Variants in CTNNA2 observed in about 807,000 individuals in gnomAD.
CTNNA2 encodes catenin alpha 2.
A neutral mutation model predicts 101.0 loss-of-function variants in CTNNA2; 42 were observed. The observed-to-expected ratio is 0.42, with a 90% CI of 0.32 to 0.54. The LOEUF (loss-of-function observed/expected upper bound fraction) is 0.54. Ranked by LOEUF, CTNNA2 falls within the 20% of genes least tolerant of loss-of-function variation. The pLI, the probability that CTNNA2 is intolerant of heterozygous loss-of-function variation, is 0.14. For missense variants in CTNNA2, 871 were observed against 1,223.1 expected (o/e 0.71, Z 4.29); for synonymous variants, 450 against 456.4 (o/e 0.99, Z 0.18).
intron 17 of CTNNA2, among the ~76,000 whole-genome samples, chr2:80,614,263 AC>A (rs1426841122): frequency 6.6e-6 from 1 of 151,400 alleles, no homozygotes; most frequent in African/African-American, 2.4e-5. Context: ...AATGCAACCA[AC>A]CTGGGATTGA....
chr2:80,076,175 G>T (rs914923047), intron 7 of CTNNA2, among the ~76,000 whole-genome samples: 1 of 152,102 alleles, frequency 6.6e-6, no homozygotes, highest in Non-Finnish European at 1.5e-5. Context: ...GGCCTCTTCG[G>T]TGTTTAGCCT....
intron 3 of CTNNA2, among the ~76,000 whole-genome samples, chr2:79,807,613 A>G (rs1360898069): frequency 6.6e-6 from 1 of 152,148 alleles, no homozygotes; most frequent in African/African-American, 2.4e-5. Flanking sequence ...TAGCTCTTTG[A>G]AAGTTATTAA....
intron 7 of CTNNA2, among the ~76,000 whole-genome samples, chr2:79,943,166 G>A (rs116174675): frequency 1.3e-5 from 2 of 151,982 alleles, no homozygotes; most frequent in Non-Finnish European, 2.9e-5. Flanking sequence ...GCAGTGAGCC[G>A]AAATCACGCA....
chr2:80,019,670 C>T (rs1445537733), intron 7 of CTNNA2, among the ~76,000 whole-genome samples: 2 of 152,208 alleles, frequency 1.3e-5, no homozygotes, highest in Non-Finnish European at 2.9e-5. Flanking sequence ...TGTCAACCAT[C>T]ACCCTGATGA....
intron 7 of CTNNA2, among the ~76,000 whole-genome samples, chr2:80,224,709 G>A (rs1321470894): frequency 6.6e-6 from 1 of 152,082 alleles, no homozygotes; most frequent in Non-Finnish European, 1.5e-5. Context: ...CTCCCAAAGT[G>A]CTGGGATTAC....
At chr2:79,832,032 G>T (rs188534769) in intron 3 of CTNNA2, among the ~76,000 whole-genome samples, 1 of 152,008 alleles carries the variant, frequency 6.6e-6, no homozygotes, top group Non-Finnish European at 1.5e-5. Context: ...CAAGTATTTG[G>T]CTCTAAGATA....
chr2:79,646,628 C>T (rs1306849658), intron 1 of CTNNA2, among the ~76,000 whole-genome samples: 1 of 148,764 alleles, frequency 6.7e-6, no homozygotes, highest in Non-Finnish European at 1.5e-5. Flanking sequence ...TCCCTGGGCT[C>T]AAGTGATCCT....
Position 79,397,534 on chromosome 2 carries a change from T to G in CTNNA2, c.-135+23521T>G, listed in dbSNP as rs558593772. 2.0e-5 allele frequency among the ~76,000 whole-genome samples: 3 copies of G among 152,296 alleles called. No individual in the cohort carries two copies. In the South Asian group the frequency reaches 6.2e-4, roughly 32 times the overall value. On this transcript the variant is annotated intron_variant, in intron 4 of 21. Coordinates refer to the CTNNA2 transcript ENST00000466387. ...CAGCTTTTTCCCTCATCCTTTCAAA[T>G]CTGAGCATTCCTCAAGATTCATTCT...
At chr2:79,315,090 T>C (rs1676465137) in intron 3 of CTNNA2, among the ~76,000 whole-genome samples, 1 of 152,020 alleles carries the variant, frequency 6.6e-6, no homozygotes, top group Non-Finnish European at 1.5e-5. Flanking sequence ...TCTCTAGGGC[T>C]CTCCTTCCCT....
intron 7 of CTNNA2, among the ~76,000 whole-genome samples, chr2:79,995,030 G>A (rs1692446973): frequency 6.6e-6 from 1 of 152,146 alleles, no homozygotes; most frequent in Admixed American, 6.5e-5. Flanking sequence ...ACCACAATAT[G>A]GGGACAGCTG....
At chr2:80,505,018 T>C (rs893465536) in intron 9 of CTNNA2, among the ~76,000 whole-genome samples, 1 of 152,172 alleles carries the variant, frequency 6.6e-6, no homozygotes, top group Admixed American at 6.5e-5. Flanking sequence ...CTGGGTCCTT[T>C]CTCATGGCTT....
At chr2:79,205,374 A>G (rs2104189128) in intron 2 of CTNNA2, among the ~76,000 whole-genome samples, 1 of 152,320 alleles carries the variant, frequency 6.6e-6, no homozygotes, top group East Asian at 1.9e-4. Context: ...TGTGAAAGAT[A>G]ACAATCATAA....
At chr2:79,431,103 G>C (rs1199074305) in intron 4 of CTNNA2, among the ~76,000 whole-genome samples, 1 of 152,068 alleles carries the variant, frequency 6.6e-6, no homozygotes, top group Non-Finnish European at 1.5e-5. Flanking sequence ...TCAGTCAAGA[G>C]AGTGGACTGA....
intron 1 of CTNNA2, among the ~76,000 whole-genome samples, chr2:79,550,017 C>A (rs1454038443): frequency 1.3e-5 from 2 of 152,058 alleles, no homozygotes; most frequent in Non-Finnish European, 2.9e-5. Context: ...CACTATGAGC[C>A]AGAACTGGGC....
At chr2:80,427,268 T>G (rs2149419562) in intron 9 of CTNNA2, among the ~76,000 whole-genome samples, 1 of 152,304 alleles carries the variant, frequency 6.6e-6, no homozygotes, top group African/African-American at 2.4e-5. Context: ...TTGTACTTTT[T>G]TAATTGTCTA....
At position 80,303,425 on chromosome 2, in the gene CTNNA2, G is replaced by T; in HGVS notation, c.1057-89786G>T. 1 of 1,614,222 alleles carries T rather than the reference G, an allele frequency of 6.2e-7. No individual in the cohort carries two copies. Among genetic ancestry groups the T allele is most frequent in the Non-Finnish European group, 8.5e-7 (1 of 1,180,042 alleles). ...GCGCAGGTTGGGCATGGGCCGGAAG[G>T]TGGTGTTGGGCAGTTGGGTGATCTG... On this transcript the variant is annotated intron_variant, in intron 7 of 18. Transcript: ENST00000402739. The surrounding 1 kb of genome is among the most constrained non-coding windows in gnomAD (Gnocchi z 7.7).
At chr2:79,644,946 T>C (rs950860791) in intron 1 of CTNNA2, among the ~76,000 whole-genome samples, 2 of 152,144 alleles carry the variant, frequency 1.3e-5, no homozygotes, top group African/African-American at 4.8e-5. Context: ...GCATAAACTT[T>C]GAAGTCAAGA....
chr2:79,881,796 G>T (rs986086776), intron 6 of CTNNA2, among the ~76,000 whole-genome samples: 1 of 150,458 alleles, frequency 6.6e-6, no homozygotes, highest in African/African-American at 2.5e-5. Flanking sequence ...GGGCCATTTA[G>T]CCCATTTAAA....
chr2:79,650,217 T>C (rs1354634709), intron 1 of CTNNA2, among the ~76,000 whole-genome samples: 2 of 149,964 alleles, frequency 1.3e-5, no homozygotes, highest in African/African-American at 4.9e-5. Flanking sequence ...TTTTGCTTGT[T>C]GTGTGGAGAC....
Sources: gnomAD v4.1 joint callset for allele counts (sites outside exome capture counted in the v4.1 genomes callset) on GRCh38, gnomAD v4.1.1 for gene constraint, Gnocchi (gnomAD v3.1) non-coding constraint, MANE v1.5 for transcripts, NCBI Gene and HGNC (gene_info 2026-07-23, HGNC 2026-07-21) for gene names.